Variants in GPHN observed in about 807,000 individuals in gnomAD.
GPHN encodes the protein gephyrin.
Under a neutral mutation model 95.5 loss-of-function variants are expected in GPHN, and 17 were observed. That is an observed-to-expected ratio of 0.18 (90% CI 0.12 to 0.27). The LOEUF is 0.27. Among genes scored for constraint, GPHN ranks in the 10% least tolerant of loss-of-function variants. GPHN has a pLI of 1.00. For synonymous variants in GPHN, 320 were observed against 322.5 expected (o/e 0.99, Z 0.08); for missense variants, 660 against 978.1 (o/e 0.67, Z 4.34).
intron 1 of GPHN, among the ~76,000 whole-genome samples, chr14:66,667,022 G>A (rs376518287): frequency 2.6e-5 from 4 of 152,232 alleles, no homozygotes; most frequent in Admixed American, 6.5e-5. Context: ...GATCATAAAC[G>A]TACTCCCCTT....
chr14:67,585,663 G>A, the GPHN span: 1 of 1,534,236 alleles, frequency 6.5e-7, no homozygotes, highest in Non-Finnish European at 8.9e-7. Context: ...TGGTATGAAA[G>A]GATGCAGGCT....
intron 1 of GPHN, among the ~76,000 whole-genome samples, chr14:66,572,428 G>A (rs1162993674): frequency 5.3e-5 from 8 of 151,910 alleles, no homozygotes; most frequent in Admixed American, 5.3e-4. Flanking sequence ...TTGTGTGCGT[G>A]TTTCGTACTT....
chr14:66,723,065 G>C (rs955962197), intron 2 of GPHN, among the ~76,000 whole-genome samples: 1 of 151,430 alleles, frequency 6.6e-6, no homozygotes, highest in Non-Finnish European at 1.5e-5. Flanking sequence ...AGATTTTTTT[G>C]TGTGTGTGAC....
intron 11 of GPHN, among the ~76,000 whole-genome samples, chr14:67,084,384 G>A (rs866818875): frequency 4.0e-5 from 6 of 151,880 alleles, no homozygotes; most frequent in Admixed American, 6.6e-5. Flanking sequence ...TGTCTAAAAC[G>A]CCCCCCTCTC....
At chr14:67,329,650 G>A in the GPHN span, among the ~76,000 whole-genome samples, 591 of 151,860 alleles carry the variant, frequency 3.9e-3, 17 homozygotes, top group East Asian at 0.088. Flanking sequence ...GAGATACGGC[G>A]GACGCATCAC....
the GPHN span, chr14:67,583,629 G>A: frequency 5.6e-6 from 4 of 719,520 alleles, no homozygotes; most frequent in Admixed American, 3.2e-5. Context: ...ACAACCACTC[G>A]CACCCCACCA....
At chr14:66,537,733 T>G (rs1261175730) in intron 1 of GPHN, among the ~76,000 whole-genome samples, 1 of 152,230 alleles carries the variant, frequency 6.6e-6, no homozygotes, top group Non-Finnish European at 1.5e-5. Context: ...GTAGTGCCAG[T>G]CTCTTTGAGG....
At chr14:67,523,694 T>C in the GPHN span, among the ~76,000 whole-genome samples, 1 of 152,264 alleles carries the variant, frequency 6.6e-6, no homozygotes. Flanking sequence ...GGCTCAAGAT[T>C]GACCAGCATT....
the GPHN span, among the ~76,000 whole-genome samples, chr14:67,439,593 C>CTTCTTTCTTTTTCTTTATTTCCTTCT: frequency 5.5e-5 from 6 of 109,764 alleles, 1 homozygote; most frequent in African/African-American, 2.0e-4. Context: ...TTCTTTCTTT[C>CTTCTTTCTTTTTCTTTATTTCCTTCT]TTCTTTCTTT....
At chr14:66,891,103 AT>A (rs1364962888) in intron 5 of GPHN, among the ~76,000 whole-genome samples, 1 of 152,110 alleles carries the variant, frequency 6.6e-6, no homozygotes, top group African/African-American at 2.4e-5. Flanking sequence ...ATAAACAGAA[AT>A]GAAAGGTATC....
At chr14:67,166,621 TTTG>T (rs1383064878) in intron 20 of GPHN, among the ~76,000 whole-genome samples, 1 of 149,224 alleles carries the variant, frequency 6.7e-6, no homozygotes, top group Non-Finnish European at 1.5e-5. Context: ...CTTTCTTGTT[TTTG>T]TTGTTATTGG....
At chr14:67,150,401 A>G (rs1430060566) in intron 18 of GPHN, among the ~76,000 whole-genome samples, 1 of 137,098 alleles carries the variant, frequency 7.3e-6, no homozygotes, top group Non-Finnish European at 1.5e-5. Flanking sequence ...AGATCCCGCC[A>G]CTGCACTCCA....
At chr14:67,232,265 T>C in the GPHN span, among the ~76,000 whole-genome samples, 4 of 152,158 alleles carry the variant, frequency 2.6e-5, no homozygotes, top group Non-Finnish European at 5.9e-5. Flanking sequence ...GTCACATCCT[T>C]AGATCATTTG....
chr14:66,648,851 A>C lies in GPHN; in HGVS notation c.65-32256A>C, dbSNP rs2064891124. ...CATAATTTTAGTTACTCATCACATA[A>C]AAATGCTTTAGTTGTTGCCTGTTCC... On this transcript the variant is annotated intron_variant, in intron 1 of 22. Transcript: ENST00000478722. 2.0e-5 allele frequency among the ~76,000 whole-genome samples: 3 copies of C among 152,212 alleles called. No homozygotes were observed. The South Asian group carries it at 6.2e-4, about 32-fold the overall frequency.
intron 2 of GPHN, among the ~76,000 whole-genome samples, chr14:66,718,877 G>A (rs1477767797): frequency 1.3e-5 from 2 of 152,176 alleles, no homozygotes; most frequent in Non-Finnish European, 2.9e-5. Flanking sequence ...GGCAGGTCTT[G>A]CTGCAGCTGC....
chr14:67,631,796 C>T, the GPHN span, among the ~76,000 whole-genome samples: 1 of 152,094 alleles, frequency 6.6e-6, no homozygotes, highest in African/African-American at 2.4e-5. Flanking sequence ...CTTGATTCTC[C>T]TGCTTTATCC....
the GPHN span, chr14:67,279,132 T>A: frequency 1.3e-6 from 2 of 1,484,804 alleles, no homozygotes; most frequent in East Asian, 2.4e-5. Context: ...ATAGGAAAAA[T>A]TGATTTATAA....
chr14:66,554,519 G>C (rs1252780061), intron 1 of GPHN, among the ~76,000 whole-genome samples: 1 of 152,178 alleles, frequency 6.6e-6, no homozygotes, highest in African/African-American at 2.4e-5. Context: ...TGGCAGGAGA[G>C]AGTGGAATGA....
chr14:67,065,544 T>C (rs2076013527), intron 11 of GPHN, among the ~76,000 whole-genome samples: 1 of 152,090 alleles, frequency 6.6e-6, no homozygotes. Context: ...AAGTCTCCCA[T>C]TATTATTGTG....
Sources: gnomAD v4.1 joint callset for allele counts (sites outside exome capture counted in the v4.1 genomes callset) on GRCh38, gnomAD v4.1.1 for gene constraint, MANE v1.5 for transcripts, NCBI Gene and HGNC (gene_info 2026-07-23, HGNC 2026-07-21) for gene names.